The following OPCML variants were observed in gnomAD, a reference collection of about 807,000 sequenced individuals.
The protein encoded by OPCML is opioid binding protein/cell adhesion molecule like, also known as opioid-binding protein/cell adhesion molecule.
In OPCML, 13 loss-of-function variants were observed where a neutral mutation model predicts 37.8. The observed-to-expected ratio is 0.34, with a 90% confidence interval of 0.22 to 0.55. The LOEUF (loss-of-function observed/expected upper bound fraction) is 0.55, where lower values mean the gene tolerates loss of function less well. Ranked by LOEUF, OPCML falls within the 20% of genes least tolerant of loss-of-function variation. OPCML has a pLI of 0.91. For synonymous variants in OPCML, 176 were observed against 168.8 expected (o/e 1.04, Z -0.33); for missense variants, 341 against 435.6 (o/e 0.78, Z 1.93).
intron 4 of OPCML, among the ~76,000 whole-genome samples, chr11:132,488,324 A>T (rs1330841484): frequency 1.3e-5 from 2 of 152,188 alleles, no homozygotes; most frequent in African/African-American, 4.8e-5. Context: ...AGGCGGTGTC[A>T]TTCTTGTGTG....
At chr11:133,089,823 C>G (rs1948876548) in intron 1 of OPCML, among the ~76,000 whole-genome samples, 1 of 151,672 alleles carries the variant, frequency 6.6e-6, no homozygotes, top group South Asian at 2.1e-4. Flanking sequence ...GAAATTGAAG[C>G]AGAGGAATTA....
chr11:132,793,591 G>A (rs899524031), intron 2 of OPCML, among the ~76,000 whole-genome samples: 6 of 152,180 alleles, frequency 3.9e-5, no homozygotes, highest in African/African-American at 1.4e-4. Flanking sequence ...TGATTTGAGG[G>A]TGTCTAATGC....
chr11:132,678,088 C>T (rs554526576), intron 2 of OPCML, among the ~76,000 whole-genome samples: 2 of 152,206 alleles, frequency 1.3e-5, no homozygotes, highest in Admixed American at 1.3e-4. Flanking sequence ...ATGTCAAAGA[C>T]CTTAATAGAC....
intron 3 of OPCML, among the ~76,000 whole-genome samples, chr11:132,576,240 T>C (rs148984263): frequency 7.0e-6 from 1 of 143,268 alleles, no homozygotes; most frequent in East Asian, 1.9e-4. Flanking sequence ...TTTGAATAAC[T>C]TTCTGGTCCT....
At chr11:132,444,286 C>A (rs982834340) in intron 4 of OPCML, among the ~76,000 whole-genome samples, 3 of 152,220 alleles carry the variant, frequency 2.0e-5, no homozygotes, top group African/African-American at 7.2e-5. Context: ...AGGAAAGCTG[C>A]CCTCTAGAAA....
intron 2 of OPCML, among the ~76,000 whole-genome samples, chr11:132,685,436 T>G (rs1943123432): frequency 6.6e-6 from 1 of 152,202 alleles, no homozygotes; most frequent in African/African-American, 2.4e-5. Context: ...GGTGCTATCA[T>G]TTTTCATGAC....
At chr11:133,078,624 C>G (rs1199539945) in intron 1 of OPCML, among the ~76,000 whole-genome samples, 2 of 152,182 alleles carry the variant, frequency 1.3e-5, no homozygotes, top group African/African-American at 4.8e-5. Context: ...TGACCCTCAT[C>G]CCTCCAGTGA....
intron 2 of OPCML, among the ~76,000 whole-genome samples, chr11:132,697,439 T>C (rs1036796867): frequency 6.6e-6 from 1 of 152,112 alleles, no homozygotes; most frequent in Non-Finnish European, 1.5e-5. Context: ...CCTGCTTCCC[T>C]CCTCCTCCAG....
chr11:133,016,737 G>A (rs1947342497), intron 1 of OPCML, among the ~76,000 whole-genome samples: 2 of 152,174 alleles, frequency 1.3e-5, no homozygotes, highest in African/African-American at 2.4e-5. Flanking sequence ...GAGAAGGGAT[G>A]TCTCCACAGC....
At chr11:133,099,801 T>C (rs542366798) in intron 1 of OPCML, among the ~76,000 whole-genome samples, 1 of 152,336 alleles carries the variant, frequency 6.6e-6, no homozygotes, top group East Asian at 1.9e-4. Flanking sequence ...AAGTTCCTTA[T>C]AGATTCTGGA....
intron 1 of OPCML, among the ~76,000 whole-genome samples, chr11:133,015,411 G>GGAAGGAAGGAAGGAAGGAAGGAAT (rs1947309351): frequency 8.9e-6 from 1 of 112,100 alleles, no homozygotes; most frequent in Non-Finnish European, 1.9e-5. Context: ...AAGGAAGGAA[G>GGAAGGAAGGAAGGAAGGAAGGAAT]GAAGGAAGGA....
At chr11:133,203,821 G>A (rs1359894671) in intron 1 of OPCML, among the ~76,000 whole-genome samples, 3 of 152,152 alleles carry the variant, frequency 2.0e-5, no homozygotes, top group Non-Finnish European at 4.4e-5. Context: ...TACTTTGGGA[G>A]GCTGAGGCGG....
chr11:132,709,612 C>G lies in OPCML; in HGVS notation c.147-52293G>C, dbSNP rs540015554. 1.1e-4 allele frequency among the ~76,000 whole-genome samples: 17 copies of G among 152,246 alleles called. No individual in the cohort carries two copies. In the South Asian group the frequency reaches 2.9e-3, roughly 26 times the overall value. ...GACCAGGTATTCTGTAGCATGCCCC[C>G]CTGGTTTCGGATCACTTGGTTAAGG... is the stretch of plus-strand genomic sequence containing the variant. On this transcript the variant is annotated intron_variant, in intron 2 of 7. Transcript: ENST00000524381.
intron 3 of OPCML, among the ~76,000 whole-genome samples, chr11:132,559,653 A>G (rs1335319492): frequency 6.6e-6 from 1 of 152,236 alleles, no homozygotes; most frequent in Non-Finnish European, 1.5e-5. Context: ...TTCAGAGATT[A>G]CATTAACACA....
intron 3 of OPCML, among the ~76,000 whole-genome samples, chr11:132,607,449 G>A (rs1272283085): frequency 6.6e-6 from 1 of 152,160 alleles, no homozygotes; most frequent in Admixed American, 6.5e-5. Context: ...ACATTAGGAG[G>A]AACTCCTCAG....
intron 1 of OPCML, among the ~76,000 whole-genome samples, chr11:133,515,929 G>A (rs1372319397): frequency 6.6e-6 from 1 of 152,050 alleles, no homozygotes; most frequent in Admixed American, 6.5e-5. Context: ...ACTTCGCAGA[G>A]TGAGCAGTTG....
chr11:132,490,046 T>C lies in OPCML; in HGVS notation c.505+39015A>G, dbSNP rs572512417. Among the ~76,000 whole-genome samples, 3 of 152,258 alleles carry C rather than the reference T, an allele frequency of 2.0e-5. No individual in the cohort carries two copies. The East Asian group carries it at 5.9e-4, about 30-fold the overall frequency. On this transcript the variant is annotated intron_variant, in intron 4 of 7. Coordinates refer to ENST00000524381, the MANE Select transcript of OPCML (RefSeq NM_001012393.5). ...CATCCTTTTTTACAGCTGCATAGTA[T>C]TCCATGGTGTATATGTGCCACATTT...
At chr11:133,253,650 A>C (rs937192498) in intron 1 of OPCML, among the ~76,000 whole-genome samples, 5 of 152,304 alleles carry the variant, frequency 3.3e-5, no homozygotes, top group Admixed American at 2.6e-4. Flanking sequence ...TAAACCTTAT[A>C]AGCAGCCTTC....
At chr11:132,828,930 A>G (rs1460066143) in intron 2 of OPCML, among the ~76,000 whole-genome samples, 1 of 152,194 alleles carries the variant, frequency 6.6e-6, no homozygotes, top group Admixed American at 6.5e-5. Context: ...CGTTTTCTCC[A>G]CTCAGCAGCC....
Sources: allele counts gnomAD v4.1 joint callset (sites outside exome capture counted in the v4.1 genomes callset), GRCh38; gene constraint gnomAD v4.1.1; transcripts MANE v1.5; gene names NCBI Gene and HGNC (gene_info 2026-07-23, HGNC 2026-07-21).